The following TPD52L1 variants were observed in gnomAD, a reference collection of about 807,000 sequenced individuals.
The protein encoded by TPD52L1 is tumor protein D53.
A neutral mutation model predicts 28.7 loss-of-function variants in TPD52L1; 18 were observed. That is an observed-to-expected ratio of 0.63 (90% CI 0.43 to 0.93). TPD52L1 has a LOEUF of 0.93. TPD52L1 is among the 40% of genes least tolerant of loss of function. The probability of loss-of-function intolerance (pLI) is 0.00; values close to 1 mark genes in which losing one functional copy is unlikely to be tolerated. For synonymous variants in TPD52L1, 75 were observed against 88.8 expected (o/e 0.84, Z 0.88); for missense variants, 203 against 254.8 (o/e 0.80, Z 1.39).
At chr6:125,182,535 G>C (rs1792274844) in intron 1 of TPD52L1, among the ~76,000 whole-genome samples, 1 of 152,132 alleles carries the variant, frequency 6.6e-6, no homozygotes, top group Non-Finnish European at 1.5e-5. Context: ...GAAGTGTGAT[G>C]ATGTTCCAGG....
In TPD52L1 at chr6:125,257,080, C is replaced by T; in HGVS notation, c.426-18C>T. 6.2e-7 allele frequency: 1 copy of T among 1,608,196 alleles called. No individual in the cohort carries two copies. Among genetic ancestry groups the T allele is most frequent in the Non-Finnish European group, 8.5e-7 (1 of 1,175,946 alleles). On this transcript the variant is annotated intron_variant, in intron 5 of 6. Coordinates refer to ENST00000534000, the MANE Select transcript of TPD52L1 (RefSeq NM_003287.4). ...AGCTAGGCCTTTGGAGCTGACCTCT[C>T]TCTTTTTGTTATTTTAGGAATTCTC... is the stretch of plus-strand genomic sequence containing the variant.
At chr6:125,209,444 A>G (rs1273364153) in intron 1 of TPD52L1, among the ~76,000 whole-genome samples, 1 of 152,252 alleles carries the variant, frequency 6.6e-6, no homozygotes, top group Non-Finnish European at 1.5e-5. Flanking sequence ...GATATTCACT[A>G]TAGTCCCAGA....
chr6:125,172,157 T>TTTTCTTTC lies in TPD52L1; in HGVS notation c.19+18230_19+18237dup, dbSNP rs200343475. 3.5e-3 allele frequency among the ~76,000 whole-genome samples: 190 copies of TTTTCTTTC among 53,980 alleles called. 1 individual carries two copies. The highest frequency in any genetic ancestry group is 4.4e-3 in the Admixed American group (22 of 4,950). 35.4% of individuals were successfully genotyped at this position (53,980 alleles called of 152,430 possible). On this transcript the variant is annotated intron_variant, in intron 1 of 6. Transcript: ENST00000534000. ...CTTTCTTTCTTTCTTTCTTTCTTTC[T>TTTTCTTTC]TTTCTTTCTTTCTTTCTTTCTTTCT...
intron 3 of TPD52L1, among the ~76,000 whole-genome samples, chr6:125,247,281 G>GT (rs113016781): frequency 5.3e-5 from 8 of 151,508 alleles, no homozygotes; most frequent in South Asian, 4.2e-4. Flanking sequence ...AGATTTGAGG[G>GT]TTTTTTTTAA....
At chr6:125,217,139 T>A (rs1455342378) in intron 1 of TPD52L1, among the ~76,000 whole-genome samples, 1 of 152,132 alleles carries the variant, frequency 6.6e-6, no homozygotes, top group East Asian at 1.9e-4. Context: ...TGACCATTGA[T>A]CCTGTAAGAG....
At chr6:125,258,178 A>G (rs538267112) in intron 6 of TPD52L1, among the ~76,000 whole-genome samples, 5 of 152,288 alleles carry the variant, frequency 3.3e-5, no homozygotes, top group African/African-American at 1.2e-4. Flanking sequence ...GGTCTTTCAC[A>G]TGGTCTACTT....
At chr6:125,227,577 A>G (rs1795690207) in intron 2 of TPD52L1, among the ~76,000 whole-genome samples, 1 of 152,176 alleles carries the variant, frequency 6.6e-6, no homozygotes, top group Non-Finnish European at 1.5e-5. Flanking sequence ...GAGTTTTATT[A>G]CCTCCATGCA....
At chr6:125,173,036 GT>G (rs1206463618) in intron 1 of TPD52L1, among the ~76,000 whole-genome samples, 1 of 152,022 alleles carries the variant, frequency 6.6e-6, no homozygotes, top group Admixed American at 6.6e-5. Flanking sequence ...TTGACTCTGG[GT>G]TTGCTGTTTT....
intron 3 of TPD52L1, among the ~76,000 whole-genome samples, chr6:125,238,244 C>G (rs1796396785): frequency 6.6e-6 from 1 of 152,186 alleles, no homozygotes; most frequent in African/African-American, 2.4e-5. Context: ...CAAGATCACA[C>G]CTCACTAAAA....
At chr6:125,209,797 C>T (rs896856203) in intron 1 of TPD52L1, among the ~76,000 whole-genome samples, 1 of 152,126 alleles carries the variant, frequency 6.6e-6, no homozygotes, top group Non-Finnish European at 1.5e-5. Flanking sequence ...GACTCCTAGA[C>T]CATTTATTGC....
chr6:125,161,692 A>C (rs1790532399), intron 1 of TPD52L1, among the ~76,000 whole-genome samples: 1 of 152,204 alleles, frequency 6.6e-6, no homozygotes, highest in Non-Finnish European at 1.5e-5. Context: ...CACAGGATTT[A>C]CTGGTTAAGG....
chr6:125,202,271 T>C (rs1562273905), intron 1 of TPD52L1, among the ~76,000 whole-genome samples: 2 of 152,190 alleles, frequency 1.3e-5, no homozygotes, highest in South Asian at 2.1e-4. Context: ...TTTGTGTTCA[T>C]AGTGAATATC....
chr6:125,203,580 G>A (rs1199245161), intron 1 of TPD52L1: 1 of 974,584 alleles, frequency 1.0e-6, no homozygotes, highest in Admixed American at 6.1e-5. Flanking sequence ...AAGTAGAGCT[G>A]TTGTTTGTCT....
intron 1 of TPD52L1, among the ~76,000 whole-genome samples, chr6:125,171,145 A>T (rs1791273588): frequency 6.6e-6 from 1 of 152,188 alleles, no homozygotes; most frequent in South Asian, 2.1e-4. Context: ...GCAGATTCTT[A>T]GGCCCCACCC....
intron 1 of TPD52L1, among the ~76,000 whole-genome samples, chr6:125,200,797 T>C (rs1210012131): frequency 6.6e-6 from 1 of 152,210 alleles, no homozygotes; most frequent in African/African-American, 2.4e-5. Flanking sequence ...TTCATTATTT[T>C]GTCAACCTAA....
At chr6:125,175,290 A>G (rs1393135441) in intron 1 of TPD52L1, among the ~76,000 whole-genome samples, 1 of 152,198 alleles carries the variant, frequency 6.6e-6, no homozygotes, top group Non-Finnish European at 1.5e-5. Flanking sequence ...TGCATATAGC[A>G]TTATATCCAA....
intron 3 of TPD52L1, chr6:125,234,497 T>G (rs1387831508): frequency 6.6e-6 from 1 of 152,194 alleles, no homozygotes; most frequent in Non-Finnish European, 1.5e-5. Flanking sequence ...TGACGGCAAC[T>G]CAAAGATATC....
chr6:125,241,378 T>C (rs1796601040), intron 3 of TPD52L1, among the ~76,000 whole-genome samples: 1 of 152,130 alleles, frequency 6.6e-6, no homozygotes, highest in Non-Finnish European at 1.5e-5. Context: ...TCTTTTGGAA[T>C]AGTTCTGGTA....
intron 6 of TPD52L1, chr6:125,260,186 G>A (rs1418799019): frequency 6.6e-6 from 1 of 152,132 alleles, no homozygotes; most frequent in Non-Finnish European, 1.5e-5. Context: ...AGGAGAGAGG[G>A]AACTATTAAT....
Sources: allele counts gnomAD v4.1 joint callset (sites outside exome capture counted in the v4.1 genomes callset), GRCh38; gene constraint gnomAD v4.1.1; transcripts MANE v1.5; gene names NCBI Gene and HGNC (gene_info 2026-07-23, HGNC 2026-07-21).